Variants in DEPDC5 observed in about 807,000 individuals in gnomAD.
The protein encoded by DEPDC5 is DEP domain containing 5, GATOR1 subcomplex subunit, also known as GATOR1 complex protein DEPDC5.
Under a neutral mutation model 217.3 loss-of-function variants are expected in DEPDC5, and 73 were observed. That is an observed-to-expected ratio of 0.34 (90% CI 0.28 to 0.41). DEPDC5 has a LOEUF of 0.41. Ranked by LOEUF, DEPDC5 falls within the 10% of genes least tolerant of loss-of-function variation. The probability of loss-of-function intolerance (pLI) is 1.00; values close to 1 mark genes in which losing one functional copy is unlikely to be tolerated. For synonymous variants in DEPDC5, 733 were observed against 756.7 expected (o/e 0.97, Z 0.51); for missense variants, 1,675 against 2,070.1 (o/e 0.81, Z 3.70).
At chr22:31,874,755 C>T (rs2092944777) in intron 36 of DEPDC5, among the ~76,000 whole-genome samples, 1 of 152,176 alleles carries the variant, frequency 6.6e-6, no homozygotes, top group Admixed American at 6.5e-5. Context: ...ATTCAAGACT[C>T]AATGCTGGAT....
Position 31,787,149 on chromosome 22 carries a change from G to GA in DEPDC5, c.624+2275dup, listed in dbSNP as rs534491325. 6.4e-3 allele frequency among the ~76,000 whole-genome samples: 970 copies of GA among 151,994 alleles called. 7 individuals carry two copies. Among genetic ancestry groups the GA allele is most frequent in the Non-Finnish European group, 9.8e-3 (669 of 67,990 alleles). On this transcript the variant is annotated intron_variant, in intron 10 of 42. Coordinates refer to ENST00000651528, the MANE Select transcript of DEPDC5 (RefSeq NM_001242896.3). ...CACCCAGGCTGGAGTGCAGTGGAGC[G>GA]ATCATGGCTCACTACAGCTTTGACC...
intron 7 of DEPDC5, among the ~76,000 whole-genome samples, chr22:31,771,925 T>C (rs1222106935): frequency 6.6e-6 from 1 of 151,800 alleles, no homozygotes; most frequent in African/African-American, 2.4e-5. Context: ...AAAAATTAGC[T>C]GGTCATGGTG....
intron 14 of DEPDC5, among the ~76,000 whole-genome samples, chr22:31,799,797 G>T (rs1240077242): frequency 1.6e-5 from 2 of 125,800 alleles, no homozygotes; most frequent in African/African-American, 6.6e-5. Flanking sequence ...ACCATGCCCG[G>T]CCTTTTTTTT....
intron 41 of DEPDC5, among the ~76,000 whole-genome samples, chr22:31,902,295 C>T (rs1297588758): frequency 6.6e-6 from 1 of 151,690 alleles, no homozygotes; most frequent in African/African-American, 2.4e-5. Context: ...CCAAACATCA[C>T]CAGCCTGGTA....
At chr22:31,854,419 G>T (rs1042128708) in intron 31 of DEPDC5, among the ~76,000 whole-genome samples, 1 of 152,250 alleles carries the variant, frequency 6.6e-6, no homozygotes, top group African/African-American at 2.4e-5. Context: ...TAGAAAGAGA[G>T]ACTGTGGTGT....
intron 17 of DEPDC5, 200 bp downstream of exon 17, chr22:31,805,115 A>G (rs2087354593): frequency 7.0e-6 from 3 of 428,252 alleles, no homozygotes; most frequent in Non-Finnish European, 1.2e-5. Flanking sequence ...GGTGAAAAAG[A>G]ATAAAAACAA....
intron 38 of DEPDC5, among the ~76,000 whole-genome samples, chr22:31,889,364 T>C (rs945576525): frequency 1.3e-5 from 2 of 152,146 alleles, no homozygotes; most frequent in Admixed American, 6.6e-5. Context: ...CTGTAACCAC[T>C]TGGTTGAACA....
chr22:31,901,608 C>T (rs2093649707), intron 40 of DEPDC5, 134 bp from the exon 41 acceptor site: 3 of 701,738 alleles, frequency 4.3e-6, no homozygotes, highest in East Asian at 3.0e-5. Flanking sequence ...TCTCAAAGGG[C>T]GTAGTATGGA....
In DEPDC5 at chr22:31,876,281, A is replaced by G. The variant is rs907679096; in HGVS notation, c.3805+16A>G. The G allele has an allele frequency of 1.5e-5, 24 of 1,609,050 alleles. No homozygotes were observed. The highest frequency in any genetic ancestry group is 2.0e-5 in the Non-Finnish European group (24 of 1,176,956). On this transcript the variant is annotated intron_variant, in intron 37 of 42. Transcript: ENST00000651528. ...CCCGACCGAGGTTAGAGCCGAGGCG[A>G]ATGCGGTTGCCCACAGGGGCAAGTG...
intron 2 of DEPDC5, 69 bp downstream of exon 2, chr22:31,755,048 A>G (rs2075202448): frequency 2.6e-6 from 4 of 1,565,398 alleles, no homozygotes; most frequent in Admixed American, 3.4e-5. Flanking sequence ...ATACCTAGAA[A>G]TTACACACTG....
At chr22:31,802,987 G>C in intron 15 of DEPDC5, 149 bp downstream of exon 15, 7 of 1,122,986 alleles carry the variant, frequency 6.2e-6, no homozygotes, top group Non-Finnish European at 8.2e-6. Context: ...TAGGTGTCAG[G>C]TGCTAAAATT....
rs1433534446 is a variant in DEPDC5 at position 31,815,132 on chromosome 22, G to A, written c.1586G>A (p.Ser529Asn). Residue 529 changes from serine (S) to asparagine (N), a missense_variant, in exon 21 of 43, where the codon AGT becomes AAT. Ser to Asn is a conservative substitution (Grantham distance 46). Transcript: ENST00000651528. ...QASDDSSLGK[S>N]ANILMIPHPH... ...TCTGACGACAGCTCCCTAGGCAAGA[G>A]TGCCAACATCCTGATGATCCCACAC... The A allele has an allele frequency of 3.7e-6, 6 of 1,614,182 alleles. No homozygotes were observed. Among genetic ancestry groups the A allele is most frequent in the South Asian group, 3.3e-5 (3 of 91,080 alleles).
intron 37 of DEPDC5, among the ~76,000 whole-genome samples, chr22:31,877,167 G>A (rs564453571): frequency 3.9e-4 from 59 of 152,028 alleles, no homozygotes; most frequent in African/African-American, 1.4e-3. Flanking sequence ...TGGGCACTGC[G>A]GCTCACGCCT....
At chr22:31,880,690 AG>A (rs1368246080) in intron 38 of DEPDC5, among the ~76,000 whole-genome samples, 1 of 152,078 alleles carries the variant, frequency 6.6e-6, no homozygotes, top group African/African-American at 2.4e-5. Flanking sequence ...ACTTGAGGTC[AG>A]GAGTTCAAGA....
intron 27 of DEPDC5, 61 bp downstream of exon 27, chr22:31,838,906 T>G (rs1415814003): frequency 3.9e-6 from 6 of 1,520,900 alleles, no homozygotes; most frequent in Non-Finnish European, 5.3e-6. Context: ...GGAAGTGGGT[T>G]TTCAAGATGG....
chr22:31,845,863 C>CT (rs113308736), intron 30 of DEPDC5, among the ~76,000 whole-genome samples: 3,355 of 138,220 alleles, frequency 0.024, 36 homozygotes, highest in Middle Eastern at 0.034. Context: ...TCATGCTAGT[C>CT]TTTTTTTTTT....
At chr22:31,869,378 G>A (rs1288106752) in intron 33 of DEPDC5, among the ~76,000 whole-genome samples, 1 of 151,970 alleles carries the variant, frequency 6.6e-6, no homozygotes, top group African/African-American at 2.4e-5. Context: ...AGTTTGCTAA[G>A]GGAGCAGCGT....
intron 7 of DEPDC5, among the ~76,000 whole-genome samples, chr22:31,773,671 C>T (rs1173340258): frequency 6.6e-6 from 1 of 152,054 alleles, no homozygotes; most frequent in Non-Finnish European, 1.5e-5. Context: ...TGCTGTGGGC[C>T]TCCTGTGAGA....
At chr22:31,815,872 A>G (rs937969356) in intron 21 of DEPDC5, 18 of 1,092,540 alleles carry the variant, frequency 1.6e-5, no homozygotes, top group Admixed American at 4.8e-5. Flanking sequence ...TTCTTCATCC[A>G]TCATTTAACT....
Sources: allele counts gnomAD v4.1 joint callset (sites outside exome capture counted in the v4.1 genomes callset), GRCh38; gene constraint gnomAD v4.1.1; transcripts MANE v1.5; gene names NCBI Gene and HGNC (gene_info 2026-07-23, HGNC 2026-07-21).